FAT1: variants seen among roughly 807,000 people sequenced by gnomAD.
FAT1 encodes the protein FAT atypical cadherin 1, also known as protocadherin Fat 1.
FAT1 carries 171 observed loss-of-function variants against 329.8 expected under a neutral mutation model. The observed-to-expected ratio is 0.52, with a 90% CI of 0.46 to 0.59. FAT1 has a LOEUF of 0.59. Among genes scored for constraint, FAT1 ranks in the 20% least tolerant of loss-of-function variants. The pLI, the probability that FAT1 is intolerant of heterozygous loss-of-function variation, is 0.00. For synonymous variants in FAT1, 2,233 were observed against 2,228.6 expected (o/e 1.00, Z -0.06); for missense variants, 5,672 against 5,774.4 (o/e 0.98, Z 0.57).
rs765761625 is a variant in FAT1, at chr4:186,707,824, C to A, written c.2004G>T (p.Lys668Asn). Residue 668 changes from lysine to asparagine, a missense_variant, in exon 2 of 27, where the codon AAG (lysine) becomes AAT (asparagine). By Grantham distance (94) the Lys-to-Asn change is moderately conservative. Transcript: ENST00000441802. The part of the protein sequence containing the change: ...YINITVAASH[K>N]LVNLQCEETG... ...TCTCTTCACACTGCAAGTTTACCAG[C>A]TTGTGACTGGCAGCCACTGTTATGT... is the stretch of plus-strand genomic sequence containing the variant. 1.5e-5 allele frequency: 25 copies of A among 1,613,730 alleles called. No homozygotes were observed. Among genetic ancestry groups the A allele is most frequent in the Non-Finnish European group, 1.9e-5 (23 of 1,179,900 alleles).
intron 3 of FAT1, among the ~76,000 whole-genome samples, chr4:186,653,771 C>A (rs1217458932): frequency 6.6e-6 from 1 of 152,176 alleles, no homozygotes; most frequent in African/African-American, 2.4e-5. Flanking sequence ...TCCGTATCAT[C>A]TACAGCAGCT....
Position 186,627,240 on chromosome 4 carries a change from G to A in FAT1, c.4810+914C>T, listed in dbSNP as rs546967858. 4.5e-3 allele frequency among the ~76,000 whole-genome samples: 627 copies of A among 140,390 alleles called. 2 individuals are homozygous for A. The highest frequency in any genetic ancestry group is 0.016 in the African/African-American group (574 of 36,556). 92.1% of individuals were successfully genotyped at this position (140,390 alleles called of 152,430 possible). A position where few individuals can be genotyped will look rare whatever the true frequency, so the allele number is the denominator to read the frequency against. On this transcript the variant is annotated intron_variant, in intron 9 of 26. Transcript: ENST00000441802. Reference sequence around the variant, plus strand: ...AGTGAGCTTCACCAGCCCACAGAATGAATGAATGAATGAATGAATGAGGGA... The same window carrying A: ...AGTGAGCTTCACCAGCCCACAGAATAAATGAATGAATGAATGAATGAGGGA...
In FAT1 at chr4:186,587,946, C is replaced by T. The variant is rs988958616; in HGVS notation, c.*646G>A. 1.4e-5 allele frequency: 3 copies of T among 217,484 alleles called. No individual in the cohort carries two copies. The highest frequency in any genetic ancestry group is 1.9e-4 in the South Asian group (1 of 5,384). The allele number at this position is 217,484 out of a possible 1,614,324, so 13.5% of individuals were successfully genotyped here. On this transcript the variant is annotated 3_prime_UTR_variant, in exon 27 of 27. Coordinates refer to ENST00000441802, the MANE Select transcript of FAT1 (RefSeq NM_005245.4). ...TCTAAACAGGTATGCAGAAGGTCCCCGTTACACTTTCCAATAATGAAAAAT... is the reference window on the plus strand; with the variant it reads ...TCTAAACAGGTATGCAGAAGGTCCCTGTTACACTTTCCAATAATGAAAAAT...
intron 2 of FAT1, among the ~76,000 whole-genome samples, chr4:186,678,633 T>A (rs1232506852): frequency 6.7e-6 from 1 of 148,958 alleles, no homozygotes; most frequent in Non-Finnish European, 1.5e-5. Context: ...AATATATTAT[T>A]ACTTTTATAT....
chr4:186,664,975 T>C (rs1742361003), intron 2 of FAT1, among the ~76,000 whole-genome samples: 1 of 152,238 alleles, frequency 6.6e-6, no homozygotes, highest in South Asian at 2.1e-4. Context: ...CGAAATTAAA[T>C]ATTAACTTAT....
At chr4:186,700,646 G>A (rs934564744) in intron 2 of FAT1, among the ~76,000 whole-genome samples, 9 of 152,142 alleles carry the variant, frequency 5.9e-5, no homozygotes, top group African/African-American at 1.7e-4. Context: ...CGCAGCATCC[G>A]TAGATCATTC....
rs371027115 is a variant in FAT1, at chr4:186,597,637, C to T, written c.12368+45G>A. On this transcript the variant is annotated intron_variant, in intron 24 of 26. Coordinates refer to ENST00000441802, the MANE Select transcript of FAT1 (RefSeq NM_005245.4). ...CTGTTGCATCTGCCAGTCAATATGA[C>T]GCTATGAAAAGGTATGAACCTAAAT... 52 of 1,381,334 alleles carry T rather than the reference C, an allele frequency of 3.8e-5. No homozygotes were observed. In the Middle Eastern group the frequency reaches 5.3e-4, roughly 14 times the overall value. The allele number at this position is 1,381,334 out of a possible 1,614,324, so 85.6% of individuals were successfully genotyped here.
Position 186,619,287 on chromosome 4 carries a change from A to G in FAT1, c.7299T>C (p.Asn2433=), listed in dbSNP as rs1444213304. 23 of 1,614,040 alleles carry G rather than the reference A, an allele frequency of 1.4e-5. No homozygotes were observed. The highest frequency in any genetic ancestry group is 1.9e-5 in the Non-Finnish European group (23 of 1,179,906). The change falls in exon 10 of 27, where the codon AAT becomes AAC. Residue 2433 remains asparagine (N), a synonymous_variant. Transcript: ENST00000441802. The stretch of plus-strand genomic sequence containing the variant: ...TGTCAATGACAAAATGTTTATGATC[A>G]TTGCCAGACAGAATGGAATACTGCA... ...DKLQYSILSG[N]DHKHFVIDSA...
At chr4:186,660,638 G>A (rs1207414303) in intron 3 of FAT1, among the ~76,000 whole-genome samples, 3 of 152,250 alleles carry the variant, frequency 2.0e-5, no homozygotes, top group African/African-American at 7.2e-5. Flanking sequence ...GGGTGTGGCT[G>A]TGGACACCTG....
Position 186,620,945 on chromosome 4 carries a change from T to G in FAT1, c.5641A>C (p.Lys1881Gln). The G allele has an allele frequency of 2.5e-6, 4 of 1,613,994 alleles. No individual in the cohort carries two copies. The highest frequency in any genetic ancestry group is 3.4e-6 in the Non-Finnish European group (4 of 1,179,902). ...DINDCPPVFA[K>Q]PLYEASLLLP... is the part of the protein sequence containing the mutation. ...AAAAGAGATGCTTCATATAATGGCT[T>G]GGCAAACACAGGGGGGCAGTCATTA... Residue 1881 changes from lysine (K) to glutamine (Q), a missense_variant, in exon 10 of 27, where the codon AAG becomes CAG. Physicochemically the swap from Lys to Gln is moderately conservative, Grantham distance 53 (BLOSUM62 1). Around this residue, in one of 2 missense-constraint regions of FAT1, gnomAD observed 3,966 missense variants for 3,915.2 expected, o/e 1.01. Coordinates refer to ENST00000441802, the MANE Select transcript of FAT1 (RefSeq NM_005245.4).
intron 3 of FAT1, among the ~76,000 whole-genome samples, chr4:186,658,828 G>A (rs1208700592): frequency 6.6e-6 from 1 of 151,954 alleles, no homozygotes; most frequent in African/African-American, 2.4e-5. Flanking sequence ...CACCGGACCC[G>A]TGAGGGCCCC....
At chr4:186,648,170 T>TGGAGGGAAGAGAGGAGAGA (rs1057141584) in intron 3 of FAT1, among the ~76,000 whole-genome samples, 44 of 152,220 alleles carry the variant, frequency 2.9e-4, no homozygotes, top group Non-Finnish European at 4.6e-4. Context: ...AACAGGTAGC[T>TGGAGGGAAGAGAGGAGAGA]GGAGGGAAGA....
At chr4:186,716,158 G>A (rs1745194480) in intron 1 of FAT1, among the ~76,000 whole-genome samples, 1 of 152,028 alleles carries the variant, frequency 6.6e-6, no homozygotes, top group African/African-American at 2.4e-5. Context: ...ATTTATTACT[G>A]AGCGGTCACA....
chr4:186,683,484 G>A (rs1743318868), intron 2 of FAT1, among the ~76,000 whole-genome samples: 1 of 152,154 alleles, frequency 6.6e-6, no homozygotes, highest in African/African-American at 2.4e-5. Flanking sequence ...ATGAATGAAT[G>A]CATGGAAGGG....
chr4:186,680,399 G>T (rs1486165489), intron 2 of FAT1, among the ~76,000 whole-genome samples: 2 of 152,262 alleles, frequency 1.3e-5, no homozygotes, highest in East Asian at 3.9e-4. Context: ...ATCATTGTTG[G>T]TGACACCACT....
intron 26 of FAT1, chr4:186,590,695 C>A (rs1320536510): frequency 1.1e-5 from 5 of 455,462 alleles, no homozygotes; most frequent in Non-Finnish European, 4.4e-6. Flanking sequence ...ACAATCACAG[C>A]CTGAAAACAC....
intron 1 of FAT1, among the ~76,000 whole-genome samples, chr4:186,717,080 A>G (rs1745242546): frequency 2.0e-5 from 3 of 152,216 alleles, no homozygotes; most frequent in Non-Finnish European, 4.4e-5. Flanking sequence ...ATGGCTTTTT[A>G]AAAATACTGT....
At chr4:186,642,717 C>G (rs934535855) in intron 3 of FAT1, among the ~76,000 whole-genome samples, 25 of 152,112 alleles carry the variant, frequency 1.6e-4, no homozygotes, top group Admixed American at 1.6e-3. Context: ...AGCACAGACC[C>G]GAGGCGCAGG....
intron 1 of FAT1, among the ~76,000 whole-genome samples, chr4:186,716,684 T>C (rs77055687): frequency 0.077 from 11,706 of 152,276 alleles, 557 homozygotes; most frequent in African/African-American, 0.13. Context: ...TCCCAAAATG[T>C]TGGGATTACA....
Sources: gnomAD v4.1 joint callset for allele counts (sites outside exome capture counted in the v4.1 genomes callset) on GRCh38, gnomAD v4.1.1 for gene constraint, gnomAD v4.1.1 regional missense constraint, MANE v1.5 for transcripts, NCBI Gene and HGNC (gene_info 2026-07-23, HGNC 2026-07-21) for gene names.